SPIDR: variants seen among roughly 807,000 people sequenced by gnomAD.
SPIDR encodes DNA repair-scaffolding protein.
A neutral mutation model predicts 104.6 loss-of-function variants in SPIDR; 93 were observed. The ratio of observed to expected loss-of-function variants is 0.89; its 90% CI spans 0.75 to 1.06. The LOEUF (loss-of-function observed/expected upper bound fraction) is 1.06. SPIDR is among the 50% of genes least tolerant of loss of function. The pLI, the probability that SPIDR is intolerant of heterozygous loss-of-function variation, is 0.00. For missense variants in SPIDR, 1,154 were observed against 1,111.2 expected (o/e 1.04, Z -0.55); for synonymous variants, 431 against 416.9 (o/e 1.03, Z -0.41).
chr8:47,541,119 C>T (rs1587441251), intron 8 of SPIDR, among the ~76,000 whole-genome samples: 1 of 152,192 alleles, frequency 6.6e-6, no homozygotes, highest in African/African-American at 2.4e-5. Flanking sequence ...CTCGGCCTCC[C>T]AAAATGCTGG....
At chr8:47,436,551 G>A (rs2068356595) in intron 7 of SPIDR, among the ~76,000 whole-genome samples, 1 of 152,058 alleles carries the variant, frequency 6.6e-6, no homozygotes, top group South Asian at 2.1e-4. Context: ...GTGAGACCCT[G>A]TCTCTACAAA....
chr8:47,377,996 C>G (rs1295655259), intron 5 of SPIDR, among the ~76,000 whole-genome samples: 3 of 152,198 alleles, frequency 2.0e-5, no homozygotes, highest in Admixed American at 6.5e-5. Flanking sequence ...TTCTATAAAT[C>G]AAGCCCAGGA....
intron 8 of SPIDR, among the ~76,000 whole-genome samples, chr8:47,580,706 A>C (rs1444955366): frequency 6.7e-6 from 1 of 149,960 alleles, no homozygotes; most frequent in Admixed American, 6.6e-5. Flanking sequence ...ACATTAAAAC[A>C]CCCGGGACTC....
At chr8:47,321,721 T>G (rs1434791444) in intron 5 of SPIDR, among the ~76,000 whole-genome samples, 1 of 152,072 alleles carries the variant, frequency 6.6e-6, no homozygotes, top group Non-Finnish European at 1.5e-5. Context: ...TAACCAAAAC[T>G]GCATGGTACT....
At chr8:47,391,893 G>C (rs2060624642) in intron 5 of SPIDR, among the ~76,000 whole-genome samples, 1 of 151,396 alleles carries the variant, frequency 6.6e-6, no homozygotes, top group African/African-American at 2.4e-5. Context: ...CTACTCGGGA[G>C]GCTGAGGCAG....
At chr8:47,603,729 A>G (rs2062596984) in intron 10 of SPIDR, among the ~76,000 whole-genome samples, 1 of 152,150 alleles carries the variant, frequency 6.6e-6, no homozygotes, top group Admixed American at 6.5e-5. Flanking sequence ...TTAGAGATGC[A>G]AATTCTTTCT....
intron 6 of SPIDR, among the ~76,000 whole-genome samples, chr8:47,406,613 T>C (rs530108565): frequency 2.6e-5 from 4 of 152,336 alleles, no homozygotes; most frequent in Admixed American, 2.6e-4. Flanking sequence ...TCTATAGGTA[T>C]TAATACTAGC....
intron 7 of SPIDR, among the ~76,000 whole-genome samples, chr8:47,426,631 C>T (rs1391206921): frequency 6.6e-6 from 1 of 152,092 alleles, no homozygotes; most frequent in African/African-American, 2.4e-5. Flanking sequence ...TTTGTTTTGC[C>T]ATAATAGAAC....
chr8:47,294,661 T>G (rs906101623), intron 5 of SPIDR, among the ~76,000 whole-genome samples: 2 of 152,158 alleles, frequency 1.3e-5, no homozygotes, highest in East Asian at 3.9e-4. Flanking sequence ...GACAGGGTCT[T>G]GCTGTGTCAC....
intron 16 of SPIDR, among the ~76,000 whole-genome samples, chr8:47,723,904 C>T (rs1484144717): frequency 6.6e-6 from 1 of 151,758 alleles, no homozygotes; most frequent in African/African-American, 2.4e-5. Flanking sequence ...TGTAACACTC[C>T]TGTTATGCAT....
At chr8:47,293,092 T>G (rs1346075316) in intron 4 of SPIDR, among the ~76,000 whole-genome samples, 2 of 152,252 alleles carry the variant, frequency 1.3e-5, no homozygotes, top group Non-Finnish European at 2.9e-5. Context: ...TCTGCTTCTC[T>G]CAGTGGTGGT....
rs536244324 is a variant in SPIDR, at chr8:47,658,438, G to A, written c.1545-15363G>A. Among the ~76,000 whole-genome samples the A allele has an allele frequency of 1.9e-4, 29 of 151,746 alleles. 1 individual carries two copies. Among genetic ancestry groups the A allele is most frequent in the Middle Eastern group, 6.9e-3 (2 of 288 alleles). On this transcript the variant is annotated intron_variant, in intron 10 of 19. Transcript: ENST00000297423. ...CATCTCAAAAAAAAAAAAATAGTTC[G>A]ATATTCACCGGCAATAAACAAATCA...
At chr8:47,647,616 A>AAGAGAGAGAG (rs369414271) in intron 10 of SPIDR, among the ~76,000 whole-genome samples, 6,408 of 60,342 alleles carry the variant, frequency 0.11, 460 homozygotes, top group Non-Finnish European at 0.13. Flanking sequence ...TCCATCTCGA[A>AAGAGAGAGAG]AGAGAGAGAG....
intron 10 of SPIDR, among the ~76,000 whole-genome samples, chr8:47,620,188 G>A (rs1277613424): frequency 1.3e-5 from 2 of 151,946 alleles, no homozygotes; most frequent in African/African-American, 4.8e-5. Context: ...CAGGTTTTGA[G>A]AAGGACAAGT....
In SPIDR at chr8:47,712,821, G is replaced by A. The variant is rs759627888; in HGVS notation, c.2137G>A (p.Ala713Thr). ...VLGSEVLEAL[A>T]GAAPHSLFFK... ...GGGCTCTGAAGTCCTGGAGGCACTC[G>A]CTGGGGCTGCCCCTCACAGCCTCTT... Residue 713 changes from alanine (A) to threonine (T), a missense_variant, in exon 15 of 20, where the codon GCT (alanine) becomes ACT (threonine). Ala to Thr is a moderately conservative substitution (Grantham distance 58, BLOSUM62 0). Transcript: ENST00000297423. 2.4e-5 allele frequency: 39 copies of A among 1,613,964 alleles called. No homozygotes were observed. In the South Asian group the frequency reaches 4.0e-4, roughly 16 times the overall value.
intron 11 of SPIDR, among the ~76,000 whole-genome samples, chr8:47,684,768 A>G (rs1183994048): frequency 6.6e-6 from 1 of 152,244 alleles, no homozygotes; most frequent in Non-Finnish European, 1.5e-5. Flanking sequence ...GTAATTTAGA[A>G]AAATGATACA....
intron 8 of SPIDR, among the ~76,000 whole-genome samples, chr8:47,488,491 A>T (rs543121469): frequency 6.6e-6 from 1 of 152,348 alleles, no homozygotes; most frequent in East Asian, 1.9e-4. Flanking sequence ...AATCCTCCTT[A>T]ACTTATTTTA....
At chr8:47,502,626 C>G (rs1564160450) in intron 8 of SPIDR, among the ~76,000 whole-genome samples, 1 of 152,192 alleles carries the variant, frequency 6.6e-6, no homozygotes, top group Non-Finnish European at 1.5e-5. Context: ...TTTTTCGTGT[C>G]TCTATTTCCT....
At chr8:47,346,287 A>G (rs782001152) in intron 5 of SPIDR, among the ~76,000 whole-genome samples, 1 of 152,140 alleles carries the variant, frequency 6.6e-6, no homozygotes, top group Non-Finnish European at 1.5e-5. Context: ...CGTATATTGA[A>G]TGAAGCAGCC....
Sources: allele counts gnomAD v4.1 joint callset (sites outside exome capture counted in the v4.1 genomes callset), GRCh38; gene constraint gnomAD v4.1.1; transcripts MANE v1.5; gene names NCBI Gene and HGNC (gene_info 2026-07-23, HGNC 2026-07-21).